The following ETS1 variants were observed in gnomAD, a reference collection of about 807,000 sequenced individuals.
ETS1 encodes protein C-ets-1.
ETS1 carries 15 observed loss-of-function variants against 58.6 expected under a neutral mutation model. That is an observed-to-expected ratio of 0.26 (90% CI 0.17 to 0.39). ETS1 has a LOEUF of 0.39. Among genes scored for constraint, ETS1 ranks in the 10% least tolerant of loss-of-function variants. The pLI is 1.00. For missense variants in ETS1, 417 were observed against 610.5 expected, an observed-to-expected ratio of 0.68 and a Z score of 3.34; for synonymous variants, 214 against 218.2, an observed-to-expected ratio of 0.98 and a Z score of 0.17.
At chr11:128,484,742 A>G (rs1016379398) in intron 7 of ETS1, 81 bp downstream of exon 7, 74 of 1,386,074 alleles carry the variant, frequency 5.3e-5, no homozygotes, top group Middle Eastern at 3.7e-4. Flanking sequence ...ATAAGAAAAA[A>G]AAAATGGAAC....
intron 8 of ETS1, among the ~76,000 whole-genome samples, chr11:128,473,495 G>A (rs1055194421): frequency 6.6e-6 from 1 of 152,212 alleles, no homozygotes; most frequent in African/African-American, 2.4e-5. Context: ...AGAGATGTTA[G>A]CTTGCCAAAG....
chr11:128,524,996 T>G (rs575814481), intron 3 of ETS1, among the ~76,000 whole-genome samples: 10 of 151,230 alleles, frequency 6.6e-5, no homozygotes, highest in African/African-American at 2.2e-4. Flanking sequence ...GGCAAGATAC[T>G]TCAATACCAT....
At chr11:128,585,170 G>A (rs113260957) in intron 1 of ETS1, among the ~76,000 whole-genome samples, 7 of 12,198 alleles carry the variant, frequency 5.7e-4, no homozygotes, top group African/African-American at 2.5e-3. Context: ...GAAAGAAAGA[G>A]AAAGAAAGAA....
chr11:128,498,074 C>T (rs1279725280), intron 3 of ETS1, among the ~76,000 whole-genome samples: 24 of 152,174 alleles, frequency 1.6e-4, no homozygotes, highest in Non-Finnish European at 1.5e-5. Context: ...GGTACATAAA[C>T]CAGGTCTCAA....
intron 8 of ETS1, among the ~76,000 whole-genome samples, chr11:128,466,384 G>A (rs996588690): frequency 5.3e-5 from 8 of 152,190 alleles, no homozygotes. Context: ...CAGCACATCT[G>A]CTGGTGCTGG....
intron 5 of ETS1, among the ~76,000 whole-genome samples, chr11:128,486,777 C>T (rs1862644343): frequency 6.6e-6 from 1 of 152,166 alleles, no homozygotes; most frequent in South Asian, 2.1e-4. Context: ...GATGCCAACT[C>T]CCCTAGGAAA....
rs75689880 is a variant in ETS1 at position 128,482,619 on chromosome 11, C to T, written c.863-2168G>A. On this transcript the variant is annotated intron_variant, in intron 7 of 9. Transcript: ENST00000392668. ...CCCTGTTGAGAGTTGTGGTTTACAG[C>T]GGTAGGCAGCTTTCATTTTAGCTCG... 4.0e-3 allele frequency among the ~76,000 whole-genome samples: 614 copies of T among 152,258 alleles called. 7 individuals are homozygous for T. The highest frequency in any genetic ancestry group is 0.014 in the African/African-American group (574 of 41,528).
intron 3 of ETS1, among the ~76,000 whole-genome samples, chr11:128,516,790 C>T (rs1863536980): frequency 6.6e-6 from 1 of 152,192 alleles, no homozygotes; most frequent in African/African-American, 2.4e-5. Context: ...ACTCAACTAT[C>T]TATGGCCTCT....
At chr11:128,560,945 T>C (rs1290802473) in intron 2 of ETS1, among the ~76,000 whole-genome samples, 1 of 152,004 alleles carries the variant, frequency 6.6e-6, no homozygotes, top group East Asian at 1.9e-4. Context: ...CCTGAAACAT[T>C]TGATGAAGGG....
intron 3 of ETS1, among the ~76,000 whole-genome samples, chr11:128,554,289 G>A (rs989727715): frequency 2.6e-5 from 4 of 152,204 alleles, no homozygotes; most frequent in African/African-American, 9.6e-5. Context: ...CCCGATGGAA[G>A]CTGTGTACCA....
intron 3 of ETS1, among the ~76,000 whole-genome samples, chr11:128,494,092 T>C (rs1591615322): frequency 6.6e-6 from 1 of 152,378 alleles, no homozygotes; most frequent in Non-Finnish European, 1.5e-5. Context: ...ACTACCTCCA[T>C]AGACATTAAC....
At chr11:128,522,375 G>C (rs1355599546) in intron 3 of ETS1, 1 of 989,752 alleles carries the variant, frequency 1.0e-6, no homozygotes, top group Non-Finnish European at 1.2e-6. Flanking sequence ...GTTTCTCGCG[G>C]CGCCGCGTCT....
At chr11:128,471,870 G>A (rs772673540) in intron 8 of ETS1, among the ~76,000 whole-genome samples, 2 of 152,128 alleles carry the variant, frequency 1.3e-5, no homozygotes, top group Non-Finnish European at 2.9e-5. Flanking sequence ...CTTGCTCTCT[G>A]GAATTTATTT....
chr11:128,537,140 C>T (rs1863982982), intron 3 of ETS1, among the ~76,000 whole-genome samples: 1 of 152,182 alleles, frequency 6.6e-6, no homozygotes, highest in Non-Finnish European at 1.5e-5. Flanking sequence ...ATTAGCTCAA[C>T]TCTTTCAAAT....
intron 3 of ETS1, among the ~76,000 whole-genome samples, chr11:128,530,605 T>A (rs1416764220): frequency 1.3e-5 from 2 of 152,080 alleles, no homozygotes; most frequent in Non-Finnish European, 2.9e-5. Flanking sequence ...CTTGAAAGAC[T>A]TCATCACAAA....
At chr11:128,574,458 C>CGG (rs1864701657) in intron 1 of ETS1, among the ~76,000 whole-genome samples, 1 of 152,106 alleles carries the variant, frequency 6.6e-6, no homozygotes, top group Admixed American at 6.5e-5. Flanking sequence ...TACAGCAAAA[C>CGG]CACCCCAGGA....
chr11:128,495,358 G>T (rs751431163), intron 3 of ETS1, among the ~76,000 whole-genome samples: 23 of 152,168 alleles, frequency 1.5e-4, no homozygotes, highest in Non-Finnish European at 3.2e-4. Context: ...GATTTTAGGA[G>T]TGATTAAAAA....
At chr11:128,565,696 G>A (rs1049146552) in intron 2 of ETS1, among the ~76,000 whole-genome samples, 3 of 152,180 alleles carry the variant, frequency 2.0e-5, no homozygotes, top group African/African-American at 7.2e-5. Flanking sequence ...ACCACTAAGA[G>A]TTATGAGCAT....
chr11:128,512,650 C>G (rs191331490), intron 3 of ETS1, among the ~76,000 whole-genome samples: 2 of 152,366 alleles, frequency 1.3e-5, no homozygotes, highest in South Asian at 4.1e-4. Context: ...GAAGGATCAG[C>G]CGGTGGCCAC....
Sources: gnomAD v4.1 joint callset for allele counts (sites outside exome capture counted in the v4.1 genomes callset) on GRCh38, gnomAD v4.1.1 for gene constraint, MANE v1.5 for transcripts, NCBI Gene and HGNC (gene_info 2026-07-23, HGNC 2026-07-21) for gene names.